RECK: variants seen among roughly 807,000 people sequenced by gnomAD.
The protein encoded by RECK is reversion-inducing cysteine-rich protein with Kazal motifs.
Under a neutral mutation model 115.1 loss-of-function variants are expected in RECK, and 69 were observed. That is an observed-to-expected ratio of 0.60 (90% CI 0.49 to 0.73). RECK has a LOEUF of 0.73. Among genes scored for constraint, RECK ranks in the 30% least tolerant of loss-of-function variants. RECK has a pLI of 0.00. For synonymous variants in RECK, 414 were observed against 419.7 expected (o/e 0.99, Z 0.17); for missense variants, 1,047 against 1,203.7 (o/e 0.87, Z 1.93).
At chr9:36,037,919 A>G (rs1344129451) in intron 1 of RECK, among the ~76,000 whole-genome samples, 1 of 151,344 alleles carries the variant, frequency 6.6e-6, no homozygotes, top group Non-Finnish European at 1.5e-5. Flanking sequence ...CCCTAGCTGT[A>G]CTAGACATTG....
At chr9:36,084,294 G>A (rs539796630) in intron 8 of RECK, among the ~76,000 whole-genome samples, 1 of 152,284 alleles carries the variant, frequency 6.6e-6, no homozygotes, top group African/African-American at 2.4e-5. Context: ...GGGAGGCTGA[G>A]GCTGGAGAAT....
intron 15 of RECK, among the ~76,000 whole-genome samples, chr9:36,111,957 A>G (rs1184302475): frequency 6.9e-6 from 1 of 145,484 alleles, no homozygotes; most frequent in Non-Finnish European, 1.5e-5. Context: ...CTGTCAGAAT[A>G]CAAAAAAAAA....
intron 12 of RECK, among the ~76,000 whole-genome samples, chr9:36,102,532 G>C (rs530538945): frequency 6.6e-6 from 1 of 152,266 alleles, no homozygotes; most frequent in East Asian, 1.9e-4. Flanking sequence ...TATCATTGCT[G>C]TCTTCTTACC....
chr9:36,066,834 C>G, intron 6 of RECK: 1 of 1,289,446 alleles, frequency 7.8e-7, no homozygotes, highest in Non-Finnish European at 1.0e-6. Context: ...CCTAGGAAGT[C>G]TGCCAGTATG....
At chr9:36,052,405 G>T in intron 2 of RECK, 82 bp downstream of exon 2, 1 of 1,016,976 alleles carries the variant, frequency 9.8e-7, no homozygotes. Flanking sequence ...GGCCAGGGTG[G>T]GAGGATTGCT....
chr9:36,096,825 A>G (rs1823359211), intron 10 of RECK, among the ~76,000 whole-genome samples: 1 of 152,192 alleles, frequency 6.6e-6, no homozygotes, highest in Non-Finnish European at 1.5e-5. Context: ...CTTCAACCGT[A>G]AAATCTTTTG....
chr9:36,107,931 T>G (rs751230647), intron 13 of RECK, 45 bp from the exon 14 acceptor site: 1 of 1,390,526 alleles, frequency 7.2e-7, no homozygotes. Context: ...TAAAACAATG[T>G]CATAGAACAG....
rs73648711 is a variant in RECK at position 36,088,606 on chromosome 9, C to T, written c.905+645C>T. Among the ~76,000 whole-genome samples, 736 of 152,290 alleles carry T rather than the reference C, an allele frequency of 4.8e-3. 4 individuals are homozygous for T. The highest frequency in any genetic ancestry group is 0.017 in the African/African-American group (711 of 41,566). On this transcript the variant is annotated intron_variant, in intron 9 of 20. Coordinates refer to ENST00000377966, the MANE Select transcript of RECK (RefSeq NM_021111.3). Reference sequence around the variant, plus strand: ...GATATCCTGAAATGAATATAAGATACCAGGCGTAAAACAATCTTTCCTGTG... The same window carrying T: ...GATATCCTGAAATGAATATAAGATATCAGGCGTAAAACAATCTTTCCTGTG...
chr9:36,085,106 G>C, intron 8 of RECK: 1 of 164,472 alleles, frequency 6.1e-6, no homozygotes, highest in South Asian at 1.2e-4. Context: ...GTAAATCACA[G>C]AACTAAAAAT....
Position 36,118,781 on chromosome 9 carries a change from G to T in RECK, c.2278G>T (p.Val760Leu). The T allele has an allele frequency of 6.2e-7, 1 of 1,614,092 alleles. No homozygotes were observed. The highest frequency in any genetic ancestry group is 8.5e-7 in the Non-Finnish European group (1 of 1,180,016). Reference protein sequence around the residue: ...CQPFCRATEPVCGHNGETYSS... With the variant: ...CQPFCRATEPLCGHNGETYSS... The stretch of plus-strand genomic sequence containing the variant: ...GCCCTTTTGCAGAGCAACCGAGCCC[G>T]TATGTGGGCACAATGGTGAGACCTA... Residue 760 changes from valine (V) to leucine (L), a missense_variant, in exon 18 of 21, where the codon GTA (valine) becomes TTA (leucine). Physicochemically the swap from Val to Leu is conservative, Grantham distance 32 (BLOSUM62 1). Coordinates refer to ENST00000377966, the MANE Select transcript of RECK (RefSeq NM_021111.3).
At chr9:36,044,318 C>G (rs1330921295) in intron 1 of RECK, among the ~76,000 whole-genome samples, 1 of 151,638 alleles carries the variant, frequency 6.6e-6, no homozygotes, top group Admixed American at 6.6e-5. Context: ...GATTTTATAC[C>G]TTGATTTTGT....
At chr9:36,078,591 A>C (rs1822551440) in intron 6 of RECK, among the ~76,000 whole-genome samples, 1 of 152,180 alleles carries the variant, frequency 6.6e-6, no homozygotes, top group Non-Finnish European at 1.5e-5. Context: ...AGGCGCTGCC[A>C]AATGTACCAT....
intron 12 of RECK, among the ~76,000 whole-genome samples, chr9:36,102,638 TACTC>T (rs2132653158): frequency 6.6e-6 from 1 of 152,016 alleles, no homozygotes; most frequent in African/African-American, 2.4e-5. Context: ...GGCTTGGACT[TACTC>T]ACCCAACAGG....
chr9:36,090,765 C>T (rs1279570107), intron 9 of RECK, among the ~76,000 whole-genome samples: 2 of 152,134 alleles, frequency 1.3e-5, no homozygotes, highest in East Asian at 1.9e-4. Context: ...CTAGTTTTAC[C>T]GTCTGTGACT....
chr9:36,053,233 C>G (rs536071139), intron 2 of RECK, among the ~76,000 whole-genome samples: 29 of 152,238 alleles, frequency 1.9e-4, no homozygotes, highest in African/African-American at 7.0e-4. Context: ...TATGAAAGTT[C>G]CACTGAAGCA....
chr9:36,046,136 G>A (rs185709766), intron 1 of RECK, among the ~76,000 whole-genome samples: 6 of 152,122 alleles, frequency 3.9e-5, no homozygotes, highest in Non-Finnish European at 7.4e-5. Context: ...ATGAAAATAA[G>A]CAGAGTTTTA....
In RECK at chr9:36,121,713, C is replaced by T. The variant is rs775809374; in HGVS notation, c.2694+25C>T. 1.8e-5 allele frequency: 29 copies of T among 1,607,898 alleles called. No individual in the cohort carries two copies. In the East Asian group the frequency reaches 5.8e-4, roughly 32 times the overall value. ...GGTGAGTTCAGCACATGTTGTGAAGCCATCTTGTCACTTTCAAGTTTGGTG... is the reference window on the plus strand; with the variant it reads ...GGTGAGTTCAGCACATGTTGTGAAGTCATCTTGTCACTTTCAAGTTTGGTG... On this transcript the variant is annotated intron_variant, in intron 20 of 20. Transcript: ENST00000377966.
At position 36,121,544 on chromosome 9, in the gene RECK, A is replaced by G. The variant is rs1213940116; in HGVS notation, c.2550A>G (p.Lys850=). ...KLDTIAKVTN[K]KPITVLEILQ... ...TTTTCTCTTTCCAGGTAACAAATAA[A>G]AAGCCAATAACAGTTCTGGAAATAC... The change falls in exon 20 of 21, where the codon AAA becomes AAG. Residue 850 remains lysine (K), a synonymous_variant. Transcript: ENST00000377966. 6.2e-7 allele frequency: 1 copy of G among 1,612,846 alleles called. No individual in the cohort carries two copies. Among genetic ancestry groups the G allele is most frequent in the Non-Finnish European group, 8.5e-7 (1 of 1,179,420 alleles).
intron 16 of RECK, among the ~76,000 whole-genome samples, chr9:36,113,910 T>C (rs532044182): frequency 6.6e-5 from 10 of 152,356 alleles, no homozygotes; most frequent in African/African-American, 2.4e-4. Flanking sequence ...CCAGCTACTG[T>C]ATACAAATTC....
Sources: gnomAD v4.1 joint callset for allele counts (sites outside exome capture counted in the v4.1 genomes callset) on GRCh38, gnomAD v4.1.1 for gene constraint, MANE v1.5 for transcripts, NCBI Gene and HGNC (gene_info 2026-07-23, HGNC 2026-07-21) for gene names.